The following UBXN2A variants were observed in gnomAD, a reference collection of about 807,000 sequenced individuals.
The protein encoded by UBXN2A is UBX domain-containing protein 2A.
In UBXN2A, 28 loss-of-function variants were observed where a neutral mutation model predicts 28.4. The observed-to-expected ratio is 0.99, with a 90% CI of 0.73 to 1.35. The LOEUF is 1.35. UBXN2A is among the 40% of genes most tolerant of loss of function. The pLI, the probability that UBXN2A is intolerant of heterozygous loss-of-function variation, is 0.00. For missense variants in UBXN2A, 253 were observed against 297.9 expected (o/e 0.85, Z 1.11); for synonymous variants, 97 against 103.6 (o/e 0.94, Z 0.39).
chr2:23,937,924 C>T (rs1178163948), upstream of UBXN2A, among the ~76,000 whole-genome samples: 1 of 152,102 alleles, frequency 6.6e-6, no homozygotes, highest in Non-Finnish European at 1.5e-5. Flanking sequence ...GGGCTACAAA[C>T]CTGGACAGCA....
intron 6 of UBXN2A, 77 bp downstream of exon 6, chr2:23,984,908 G>T: frequency 6.9e-7 from 1 of 1,452,742 alleles, no homozygotes; most frequent in Non-Finnish European, 9.2e-7. Context: ...TCAGTCAACA[G>T]TTTATTTTTT....
chr2:23,957,440 C>A (rs931108883), intron 1 of UBXN2A, among the ~76,000 whole-genome samples: 3 of 152,138 alleles, frequency 2.0e-5, no homozygotes, highest in Non-Finnish European at 4.4e-5. Flanking sequence ...ATAACTGGGA[C>A]TACAGGTGCG....
intron 6 of UBXN2A, among the ~76,000 whole-genome samples, chr2:23,997,307 C>G (rs1183079224): frequency 6.6e-6 from 1 of 151,958 alleles, no homozygotes; most frequent in Non-Finnish European, 1.5e-5. Flanking sequence ...CTGAAAATAC[C>G]TTTATACTTT....
chr2:23,948,312 G>A (rs111692589), intron 1 of UBXN2A, among the ~76,000 whole-genome samples: 9,409 of 145,546 alleles, frequency 0.065, 385 homozygotes, highest in African/African-American at 0.12. Context: ...AGAGTGCAGT[G>A]GCGTGATCTC....
intron 3 of UBXN2A, among the ~76,000 whole-genome samples, chr2:23,974,226 T>C (rs1707551986): frequency 7.3e-6 from 1 of 137,448 alleles, no homozygotes; most frequent in East Asian, 2.3e-4. Context: ...ACCCTGTTAG[T>C]CAGGATGGTC....
At chr2:23,944,379 C>T (rs1705933674) in intron 1 of UBXN2A, 1 of 1,397,254 alleles carries the variant, frequency 7.2e-7, no homozygotes, top group Non-Finnish European at 1.0e-6. Context: ...CATCATCTTC[C>T]TACACATTAT....
intron 1 of UBXN2A, among the ~76,000 whole-genome samples, chr2:23,951,441 T>TGG (rs1558840574): frequency 8.4e-6 from 1 of 119,062 alleles, no homozygotes; most frequent in South Asian, 2.6e-4. Flanking sequence ...TATATATATA[T>TGG]ATATATATAT....
At chr2:23,986,859 C>T (rs538512177) in intron 6 of UBXN2A, among the ~76,000 whole-genome samples, 2 of 152,268 alleles carry the variant, frequency 1.3e-5, no homozygotes, top group South Asian at 2.1e-4. Context: ...CCACCCACCT[C>T]GGCCTCCCAA....
At chr2:23,962,605 C>CTTTTTTTTTTTTTT (rs1160440950) in intron 2 of UBXN2A, among the ~76,000 whole-genome samples, 3 of 130,680 alleles carry the variant, frequency 2.3e-5, no homozygotes, top group Non-Finnish European at 4.9e-5. Context: ...TTTTTTTATT[C>CTTTTTTTTTTTTTT]TTTTTTTTTT....
At chr2:23,936,488 T>C (rs1705531424), upstream of UBXN2A, among the ~76,000 whole-genome samples, 1 of 151,664 alleles carries the variant, frequency 6.6e-6, no homozygotes, top group African/African-American at 2.4e-5. Flanking sequence ...GGTGGGAGGA[T>C]TGTTTTGAGT....
At chr2:23,946,780 T>G (rs2150808118) in intron 1 of UBXN2A, among the ~76,000 whole-genome samples, 1 of 152,270 alleles carries the variant, frequency 6.6e-6, no homozygotes, top group Middle Eastern at 3.4e-3. Flanking sequence ...GATGTAGTTT[T>G]TATATTCAGA....
chr2:23,985,602 G>GTTTT lies in UBXN2A; in HGVS notation c.584+783_584+786dup, dbSNP rs34825489. Among the ~76,000 whole-genome samples the GTTTT allele has an allele frequency of 1.8e-3, 266 of 144,390 alleles. 1 individual carries two copies. The highest frequency in any genetic ancestry group is 4.4e-3 in the African/African-American group (171 of 39,170). 94.7% of individuals were successfully genotyped at this position (144,390 alleles called of 152,430 possible). A position where few individuals can be genotyped will look rare whatever the true frequency, so the allele number is the denominator to read the frequency against. ...CTCTAAACATAATTATGTCTAGACA[G>GTTTT]TTTTTTTTTTTTTTTGAGGCAAGGT... On this transcript the variant is annotated intron_variant, in intron 6 of 6. Transcript: ENST00000309033.
At chr2:23,942,126 C>T (rs949298075) in intron 1 of UBXN2A, among the ~76,000 whole-genome samples, 2 of 151,996 alleles carry the variant, frequency 1.3e-5, no homozygotes, top group African/African-American at 4.8e-5. Context: ...TGCCAATAAG[C>T]AAAGACAGAG....
intron 1 of UBXN2A, among the ~76,000 whole-genome samples, chr2:23,956,152 C>T (rs952354556): frequency 8.0e-5 from 12 of 149,480 alleles, no homozygotes; most frequent in Admixed American, 4.8e-4. Context: ...GCATGAGCCA[C>T]CATACCTGAC....
rs2150933070 is a variant in UBXN2A, at chr2:24,004,539, AG to A, written c.*4673del. ...TGTAGTGGTGTGCGCCTGTAGTCCCAGCTACTCAGGAGGCTGAGGCAGGAGA... is the reference window on the plus strand; with the variant it reads ...TGTAGTGGTGTGCGCCTGTAGTCCCACTACTCAGGAGGCTGAGGCAGGAGA... On this transcript the variant is annotated 3_prime_UTR_variant, in exon 7 of 7. Transcript: ENST00000309033. 1 of 152,404 alleles carries A rather than the reference AG, an allele frequency of 6.6e-6. No homozygotes were observed. Among genetic ancestry groups the A allele is most frequent in the East Asian group, 1.9e-4 (1 of 5,190 alleles). 9.4% of individuals were successfully genotyped at this position (152,404 alleles called of 1,614,324 possible). A position where few individuals can be genotyped will look rare whatever the true frequency, so the allele number is the denominator to read the frequency against.
chr2:23,968,760 G>T (rs562256045), intron 2 of UBXN2A, among the ~76,000 whole-genome samples: 2 of 150,666 alleles, frequency 1.3e-5, no homozygotes, highest in African/African-American at 4.9e-5. Flanking sequence ...CTTTATAAAA[G>T]TATTATTTAT....
At chr2:23,968,893 T>G (rs1027696501) in intron 2 of UBXN2A, 1 of 148,594 alleles carries the variant, frequency 6.7e-6, no homozygotes, top group African/African-American at 2.5e-5. Context: ...TTTTCTTTTT[T>G]CTTTTTTTTT....
Position 24,003,581 on chromosome 2 carries a change from G to T in UBXN2A, c.*3714G>T, listed in dbSNP as rs1019169875. The T allele has an allele frequency of 2.0e-5, 3 of 152,034 alleles. No individual in the cohort carries two copies. Among genetic ancestry groups the T allele is most frequent in the Admixed American group, 6.6e-5 (1 of 15,250 alleles). 9.4% of individuals were successfully genotyped at this position (152,034 alleles called of 1,614,324 possible). ...AAGGCTCTTTTAATTAGGAAGAGAGGGAGGACAAAGGAGAGCCTTTTCTTT... is the reference window on the plus strand; with the variant it reads ...AAGGCTCTTTTAATTAGGAAGAGAGTGAGGACAAAGGAGAGCCTTTTCTTT... On this transcript the variant is annotated 3_prime_UTR_variant, in exon 7 of 7. Coordinates refer to ENST00000309033, the MANE Select transcript of UBXN2A (RefSeq NM_181713.4).
intron 1 of UBXN2A, among the ~76,000 whole-genome samples, chr2:23,950,218 G>T (rs1706297568): frequency 6.6e-6 from 1 of 151,858 alleles, no homozygotes; most frequent in Admixed American, 6.6e-5. Context: ...TATTACTAAG[G>T]GTCTAATATT....
Sources: gnomAD v4.1 joint callset for allele counts (sites outside exome capture counted in the v4.1 genomes callset) on GRCh38, gnomAD v4.1.1 for gene constraint, MANE v1.5 for transcripts, NCBI Gene and HGNC (gene_info 2026-07-23, HGNC 2026-07-21) for gene names.